The following CCNH variants were observed in gnomAD, a reference collection of about 807,000 sequenced individuals.
CCNH encodes cyclin H, also known as cyclin-H.
CCNH carries 31 observed loss-of-function variants against 41.9 expected under a neutral mutation model. The observed-to-expected ratio is 0.74, with a 90% CI of 0.56 to 1.00. CCNH has a LOEUF of 1.00. Ranked by LOEUF, CCNH falls within the 50% of genes least tolerant of loss-of-function variation. CCNH has a pLI of 0.00. For missense variants in CCNH, 362 were observed against 388.4 expected (o/e 0.93, Z 0.57); for synonymous variants, 138 against 136.1 (o/e 1.01, Z -0.10).
chr5:87,367,115 T>C (rs936467283), intron 9 of CCNH, among the ~76,000 whole-genome samples: 1 of 152,216 alleles, frequency 6.6e-6, no homozygotes, highest in African/African-American at 2.4e-5. Context: ...TTAAAGTGCC[T>C]TCCTGTGAAA....
intron 4 of CCNH, among the ~76,000 whole-genome samples, chr5:87,406,424 C>A (rs1334755901): frequency 6.6e-6 from 1 of 152,136 alleles, no homozygotes; most frequent in African/African-American, 2.4e-5. Flanking sequence ...CTTCCTCTGT[C>A]TTCATCTCTA....
intron 4 of CCNH, among the ~76,000 whole-genome samples, chr5:87,406,628 T>C (rs1247734133): frequency 6.6e-6 from 1 of 151,790 alleles, no homozygotes; most frequent in African/African-American, 2.4e-5. Context: ...AATGCAAATA[T>C]TGCAAAATCA....
rs1761328187 is a variant in CCNH at position 87,376,375 on chromosome 5, CTTGT to C, written n.802_805del. On this transcript the variant is annotated non_coding_transcript_exon_variant, in exon 1 of 1. Coordinates refer to the CCNH transcript ENST00000607486. ...GTGTTCTCTTTTTAAACAATAATTG[CTTGT>C]TTTTCTTCCCAAGTATTTATGCGCT... The C allele has an allele frequency of 2.5e-6, 4 of 1,613,328 alleles. No individual in the cohort carries two copies. The highest frequency in any genetic ancestry group is 3.4e-6 in the Non-Finnish European group (4 of 1,179,614).
chr5:87,363,263 CAT>C, intron 9 of CCNH: 2 of 1,222,670 alleles, frequency 1.6e-6, no homozygotes, highest in Non-Finnish European at 2.3e-6. Flanking sequence ...TTGATTGATT[CAT>C]ATTTTTAGAA....
At chr5:87,380,615 T>G (rs1394485749), upstream of CCNH, 2 of 1,570,702 alleles carry the variant, frequency 1.3e-6, no homozygotes, top group African/African-American at 1.4e-5. Context: ...ATCAATTGAT[T>G]TGTTAAATCA....
chr5:87,393,263 A>G (rs1195454949), downstream of CCNH, among the ~76,000 whole-genome samples: 1 of 152,182 alleles, frequency 6.6e-6, no homozygotes, highest in Non-Finnish European at 1.5e-5. Flanking sequence ...AATTAGATTC[A>G]GGACACTTGA....
intron 5 of CCNH, 40 bp from the exon 6 acceptor site, chr5:87,401,812 A>G: frequency 8.4e-7 from 1 of 1,190,714 alleles, no homozygotes; most frequent in Non-Finnish European, 1.2e-6. Context: ...GAAAACATAC[A>G]GCACATTGAG....
chr5:87,403,227 G>GA (rs1763544862), intron 5 of CCNH, among the ~76,000 whole-genome samples: 2 of 104,378 alleles, frequency 1.9e-5, no homozygotes, highest in African/African-American at 3.3e-5. Flanking sequence ...TTTCCCTAAA[G>GA]GAAAAAAAAA....
chr5:87,354,269 G>GC, intron 9 of CCNH, among the ~76,000 whole-genome samples: 2 of 152,016 alleles, frequency 1.3e-5, no homozygotes, highest in African/African-American at 4.8e-5. Flanking sequence ...TTCAAAGATA[G>GC]TTTTTTTTAC....
chr5:87,386,795 G>A (rs1381431455), downstream of CCNH: 5 of 1,580,110 alleles, frequency 3.2e-6, no homozygotes, highest in South Asian at 1.1e-5. Flanking sequence ...TTTGTTTCTG[G>A]TGCATATAAC....
At chr5:87,390,979 CACTTTTCCACATTCCAG>C, downstream of CCNH, 1 of 1,200,056 alleles carries the variant, frequency 8.3e-7, no homozygotes, top group Non-Finnish European at 1.2e-6. Context: ...AAAAATAGCA[CACTTTTCCACATTCCAG>C]TGATGTGTGA....
At chr5:87,316,067 G>C (rs146977685), downstream of CCNH, among the ~76,000 whole-genome samples, 1 of 152,126 alleles carries the variant, frequency 6.6e-6, no homozygotes, top group African/African-American at 2.4e-5. Context: ...CACATTTTTG[G>C]ATAATTTTCA....
chr5:87,394,287 GTTTA>G lies in CCNH; in HGVS notation c.*155_*158del. The G allele has an allele frequency of 7.5e-7, 1 of 1,340,896 alleles. No individual in the cohort carries two copies. Among genetic ancestry groups the G allele is most frequent in the Non-Finnish European group, 9.6e-7 (1 of 1,041,702 alleles). The allele number at this position is 1,340,896 out of a possible 1,614,324, so 83.1% of individuals were successfully genotyped here. A position where few individuals can be genotyped will look rare whatever the true frequency, so the allele number is the denominator to read the frequency against. On this transcript the variant is annotated 3_prime_UTR_variant, in exon 9 of 9. Transcript: ENST00000256897. ...TGCTATTCTAGCTCTTTTGAAGATG[GTTTA>G]TTTTACATAAAGTTACTGTGAAAGG... is the stretch of plus-strand genomic sequence containing the variant.
At chr5:87,327,470 C>T (rs946043031) in intron 9 of CCNH, among the ~76,000 whole-genome samples, 6 of 152,078 alleles carry the variant, frequency 3.9e-5, no homozygotes, top group African/African-American at 1.2e-4. Context: ...AAGACTTGGC[C>T]GTAACTGTGG....
At chr5:87,369,541 T>C (rs1323025268) in intron 9 of CCNH, among the ~76,000 whole-genome samples, 1 of 152,140 alleles carries the variant, frequency 6.6e-6, no homozygotes, top group Non-Finnish European at 1.5e-5. Context: ...TCAATCTGTT[T>C]GTAACTTTAT....
downstream of CCNH, among the ~76,000 whole-genome samples, chr5:87,387,079 C>T (rs1308899266): frequency 6.6e-6 from 1 of 152,118 alleles, no homozygotes; most frequent in African/African-American, 2.4e-5. Flanking sequence ...GTAATTAAAA[C>T]CATTTATTCT....
intron 9 of CCNH, among the ~76,000 whole-genome samples, chr5:87,382,375 CAG>C (rs1220318465): frequency 1.6e-4 from 24 of 152,296 alleles, no homozygotes; most frequent in African/African-American, 5.3e-4. Flanking sequence ...TCCACTCTAA[CAG>C]AGAACAGAGA....
rs1764353871 is a variant in CCNH at position 87,412,678 on chromosome 5, C to T, written c.117G>A (p.Lys39=). 1.2e-6 allele frequency: 2 copies of T among 1,613,976 alleles called. No individual in the cohort carries two copies. Among genetic ancestry groups the T allele is most frequent in the Non-Finnish European group, 1.7e-6 (2 of 1,179,892 alleles). ...TGGGCAACCGTTGGGAAAACCTCAC[C>T]TTCCCGTTGGCCACGGCTTTGCATC... ...KFRCKAVANG[K]VLPNDPVFLE... Residue 39 remains lysine (K), a splice_region_variant and synonymous_variant, in exon 1 of 9, where the codon AAG becomes AAA. Transcript: ENST00000256897.
chr5:87,384,229 T>A (rs1189135542), intron 9 of CCNH, among the ~76,000 whole-genome samples: 1 of 152,124 alleles, frequency 6.6e-6, no homozygotes, highest in Non-Finnish European at 1.5e-5. Flanking sequence ...TTCCTCCCGT[T>A]AGAGATTTTT....
Sources: allele counts gnomAD v4.1 joint callset (sites outside exome capture counted in the v4.1 genomes callset), GRCh38; gene constraint gnomAD v4.1.1; transcripts MANE v1.5; gene names NCBI Gene and HGNC (gene_info 2026-07-23, HGNC 2026-07-21).